The following NPAS1 variants were observed in gnomAD, a reference collection of about 807,000 sequenced individuals.
The protein encoded by NPAS1 is neuronal PAS domain protein 1.
In NPAS1, 29 loss-of-function variants were observed where a neutral mutation model predicts 49.2. The observed-to-expected ratio is 0.59, with a 90% CI of 0.44 to 0.80. NPAS1 has a LOEUF of 0.80. NPAS1 is among the 30% of genes least tolerant of loss of function. The pLI is 0.00. For synonymous variants in NPAS1, 408 were observed against 380.4 expected (o/e 1.07, Z -0.84); for missense variants, 825 against 835.5 (o/e 0.99, Z 0.15).
In NPAS1 at chr19:47,032,139, T is replaced by C; in HGVS notation, c.359-139T>C. 4.3e-6 allele frequency: 3 copies of C among 703,306 alleles called. No homozygotes were observed. The South Asian group carries it at 5.5e-5, about 13-fold the overall frequency. 43.6% of individuals were successfully genotyped at this position (703,306 alleles called of 1,614,324 possible). A position where few individuals can be genotyped will look rare whatever the true frequency, so the allele number is the denominator to read the frequency against. ...CTGTGTGTCCCACGCCCCAGGTCTC[T>C]CCCCCATGGGTGCCCAGATACCCCA... On this transcript the variant is annotated intron_variant, in intron 3 of 11. Transcript: ENST00000602212.
chr19:47,040,046 A>G (rs144367730), intron 8 of NPAS1, among the ~76,000 whole-genome samples: 1,638 of 151,960 alleles, frequency 0.011, 33 homozygotes, highest in African/African-American at 0.037. Flanking sequence ...GTTTGTTTTG[A>G]GATGGAGTCT....
Position 47,021,139 on chromosome 19 carries a change from G to A in NPAS1, c.92G>A (p.Gly31Glu), listed in dbSNP as rs776480758. 3.4e-5 allele frequency: 54 copies of A among 1,598,586 alleles called. 1 individual carries two copies. The highest frequency in any genetic ancestry group is 4.5e-5 in the Non-Finnish European group (53 of 1,173,690). Residue 31 changes from glycine to glutamate, a missense_variant, in exon 2 of 12, where the codon GGG becomes GAG. Physicochemically the swap from Gly to Glu is moderately conservative, Grantham distance 98. Transcript: ENST00000602212. The surrounding 1 kb of genome is among the most constrained non-coding windows in gnomAD (Gnocchi z 5.7). ...GASVPWDFLP[G>E]LMVKAPSGPC... ...AGCGTCCCCTGGGACTTTCTACCCGGGCTGATGGTCAAGGCGCCGTCCGGA... is the reference window on the plus strand; with the variant it reads ...AGCGTCCCCTGGGACTTTCTACCCGAGCTGATGGTCAAGGCGCCGTCCGGA...
intron 6 of NPAS1, among the ~76,000 whole-genome samples, chr19:47,038,314 T>A (rs550060397): frequency 1.3e-5 from 2 of 152,072 alleles, no homozygotes; most frequent in Non-Finnish European, 2.9e-5. Flanking sequence ...GTCAAGAGAT[T>A]GAGACCATCC....
intron 7 of NPAS1, 41 bp downstream of exon 7, chr19:47,039,192 T>C: frequency 6.4e-7 from 1 of 1,553,356 alleles, no homozygotes; most frequent in Non-Finnish European, 8.7e-7. Context: ...CAGGCAGCCA[T>C]GTCCCCAGAT....
intron 3 of NPAS1, among the ~76,000 whole-genome samples, chr19:47,024,154 G>A (rs1237291430): frequency 6.6e-6 from 1 of 151,992 alleles, no homozygotes; most frequent in Non-Finnish European, 1.5e-5. Context: ...AGGTTTGGTG[G>A]CACCCGCCTG....
Position 47,040,505 on chromosome 19 carries a change from G to C in NPAS1, c.1024G>C (p.Val342Leu). ...ELVGRSCYQF[V>L]HGQDATRIRQ... ...GGTGGGCCGCAGCTGCTACCAGTTT[G>C]TCCACGGACAGGACGCCACGAGGAT... Residue 342 changes from valine to leucine, a missense_variant, in exon 9 of 12, where the codon GTC becomes CTC. By Grantham distance (32) the Val-to-Leu change is conservative (BLOSUM62 1). Transcript: ENST00000602212. 6.2e-7 allele frequency: 1 copy of C among 1,604,982 alleles called. No homozygotes were observed. The highest frequency in any genetic ancestry group is 8.5e-7 in the Non-Finnish European group (1 of 1,176,272).
At chr19:47,032,191 G>A in intron 3 of NPAS1, 87 bp from the exon 4 acceptor site, 2 of 1,209,822 alleles carry the variant, frequency 1.7e-6, no homozygotes, top group South Asian at 1.3e-5. Context: ...TAGGGGAAGA[G>A]AGGGAGGTTT....
chr19:47,021,577 G>T lies in NPAS1; in HGVS notation c.123-35G>T. 7.2e-7 allele frequency: 1 copy of T among 1,390,324 alleles called. No individual in the cohort carries two copies. Among genetic ancestry groups the T allele is most frequent in the Non-Finnish European group, 9.4e-7 (1 of 1,060,890 alleles). 86.1% of individuals were successfully genotyped at this position (1,390,324 alleles called of 1,614,324 possible). On this transcript the variant is annotated intron_variant, in intron 2 of 11. Transcript: ENST00000602212. This position sits in a 1 kb window ranked among gnomAD's most constrained non-coding sequence, Gnocchi z 5.7. ...AGTTCCCAAGCCCCTGAGCCCCGGGGCCCCGCCGACACCTCCTCCGCGCCG... is the reference window on the plus strand; with the variant it reads ...AGTTCCCAAGCCCCTGAGCCCCGGGTCCCCGCCGACACCTCCTCCGCGCCG...
chr19:47,043,787 C>A (rs55748007), intron 11 of NPAS1, among the ~76,000 whole-genome samples: 5,114 of 150,972 alleles, frequency 0.034, 282 homozygotes, highest in African/African-American at 0.12. Flanking sequence ...AATCCAGGCC[C>A]GGTGTGGTGG....
At chr19:47,043,417 A>G (rs1444420834) in intron 11 of NPAS1, among the ~76,000 whole-genome samples, 3 of 151,472 alleles carry the variant, frequency 2.0e-5, no homozygotes. Flanking sequence ...GTGAAACCCC[A>G]TCTCTACTAA....
At chr19:47,026,743 T>C (rs1379934769) in intron 3 of NPAS1, among the ~76,000 whole-genome samples, 1 of 151,848 alleles carries the variant, frequency 6.6e-6, no homozygotes, top group East Asian at 1.9e-4. Context: ...TCACCTGAGG[T>C]CAGGAGTTCA....
At position 47,045,434 on chromosome 19, in the gene NPAS1, C is replaced by A. The variant is rs772818612; in HGVS notation, c.1556C>A (p.Pro519His). Residue 519 changes from proline to histidine, a missense_variant, in exon 12 of 12, where the codon CCC becomes CAC. Coordinates refer to ENST00000602212, the MANE Select transcript of NPAS1 (RefSeq NM_002517.4). ...TGGGGCCTGGCGCCTCCCGGGGACC[C>A]CCCGCCCACCCTCCTGCACGCGGGC... ...RPWGLAPPGD[P>H]PPTLLHAGFL... is the part of the protein sequence containing the mutation. 2 of 1,603,542 alleles carry A rather than the reference C, an allele frequency of 1.2e-6. No individual in the cohort carries two copies. Among genetic ancestry groups the A allele is most frequent in the African/African-American group, 1.3e-5 (1 of 74,730 alleles).
At chr19:47,026,731 G>A (rs1017943223) in intron 3 of NPAS1, among the ~76,000 whole-genome samples, 6 of 152,118 alleles carry the variant, frequency 3.9e-5, no homozygotes, top group Non-Finnish European at 8.8e-5. Context: ...GAGGCAGGTG[G>A]ATCACCTGAG....
chr19:47,021,288 C>A lies in NPAS1; in HGVS notation c.122+119C>A, dbSNP rs1419748957. On this transcript the variant is annotated intron_variant, in intron 2 of 11. Transcript: ENST00000602212. This position sits in a 1 kb window ranked among gnomAD's most constrained non-coding sequence, Gnocchi z 5.7. ...CAGCTCCCTGACCCGCCCCTTAGGG[C>A]TAGAAGGTCTTACCTTGAGTTAACT... is the stretch of plus-strand genomic sequence containing the variant. The A allele has an allele frequency of 2.2e-6, 2 of 904,924 alleles. No individual in the cohort carries two copies. The highest frequency in any genetic ancestry group is 3.2e-6 in the Non-Finnish European group (2 of 620,440). The allele number at this position is 904,924 out of a possible 1,614,324, so 56.1% of individuals were successfully genotyped here. A position where few individuals can be genotyped will look rare whatever the true frequency, so the allele number is the denominator to read the frequency against.
At chr19:47,020,685 C>G (rs1182653272) in intron 1 of NPAS1, among the ~76,000 whole-genome samples, 1 of 151,472 alleles carries the variant, frequency 6.6e-6, no homozygotes, top group Admixed American at 6.6e-5. Context: ...ATGCTTGGCA[C>G]GCAGCGCGCG....
intron 3 of NPAS1, 125 bp from the exon 4 acceptor site, chr19:47,032,153 C>A: frequency 1.2e-6 from 1 of 815,020 alleles, no homozygotes; most frequent in Non-Finnish European, 2.0e-6. Flanking sequence ...CCATGGGTGC[C>A]CAGATACCCC....
chr19:47,036,087 T>A lies in NPAS1; in HGVS notation c.646T>A (p.Ser216Thr). 8 of 1,585,208 alleles carry A rather than the reference T, an allele frequency of 5.0e-6. No individual in the cohort carries two copies. Among genetic ancestry groups the A allele is most frequent in the Non-Finnish European group, 6.9e-6 (8 of 1,165,928 alleles). The stretch of plus-strand genomic sequence containing the variant: ...CCCAACCCCGCCCTCCGTCTCCTCT[T>A]CCTCCTCCTCTTCCTCTTCGCTTGC... ...GPPTPPSVSS[S>T]SSSSSSLADT... Residue 216 changes from serine (S) to threonine (T), a missense_variant, in exon 6 of 12, where the codon TCC becomes ACC. By Grantham distance (58) the Ser-to-Thr change is moderately conservative. Transcript: ENST00000602212.
chr19:47,023,682 A>G (rs939855544), intron 3 of NPAS1, among the ~76,000 whole-genome samples: 1 of 152,158 alleles, frequency 6.6e-6, no homozygotes, highest in African/African-American at 2.4e-5. Context: ...GCCGGGCACC[A>G]TGGCTCACAT....
intron 3 of NPAS1, among the ~76,000 whole-genome samples, chr19:47,024,635 G>A (rs1367460946): frequency 1.3e-5 from 2 of 152,088 alleles, no homozygotes; most frequent in Admixed American, 1.3e-4. Flanking sequence ...CCCAAAGGCC[G>A]CCTCTCAACC....
Sources: gnomAD v4.1 joint callset for allele counts (sites outside exome capture counted in the v4.1 genomes callset) on GRCh38, gnomAD v4.1.1 for gene constraint, Gnocchi (gnomAD v3.1) non-coding constraint, MANE v1.5 for transcripts, NCBI Gene and HGNC (gene_info 2026-07-23, HGNC 2026-07-21) for gene names.